Variants in NCOA1 observed in about 807,000 individuals in gnomAD.
The protein encoded by NCOA1 is Hin-2 protein.
A neutral mutation model predicts 150.9 loss-of-function variants in NCOA1; 35 were observed. The observed-to-expected ratio is 0.23, with a 90% CI of 0.18 to 0.31. The LOEUF is 0.31. NCOA1 is among the 10% of genes least tolerant of loss of function. NCOA1 has a pLI of 1.00. For missense variants in NCOA1, 1,491 were observed against 1,749.3 expected (o/e 0.85, Z 2.63); for synonymous variants, 590 against 630.0 (o/e 0.94, Z 0.95).
intron 4 of NCOA1, among the ~76,000 whole-genome samples, chr2:24,648,929 A>G (rs11125733): frequency 0.15 from 22,296 of 151,924 alleles, 1,979 homozygotes; most frequent in Non-Finnish European, 0.2. Flanking sequence ...AAATGTAGTT[A>G]TTTGATTTTG....
At chr2:24,593,236 A>G (rs183284585) in intron 3 of NCOA1, among the ~76,000 whole-genome samples, 3 of 152,240 alleles carry the variant, frequency 2.0e-5, no homozygotes, top group South Asian at 2.1e-4. Context: ...GGAAACCTAT[A>G]TTTATTAAAC....
intron 11 of NCOA1, among the ~76,000 whole-genome samples, chr2:24,701,185 G>T (rs1395427866): frequency 6.6e-6 from 1 of 151,758 alleles, no homozygotes; most frequent in African/African-American, 2.4e-5. Flanking sequence ...TCTTGTCTTT[G>T]AAATATCCAT....
At chr2:24,750,553 T>C (rs1664166761) in intron 19 of NCOA1, among the ~76,000 whole-genome samples, 1 of 152,214 alleles carries the variant, frequency 6.6e-6, no homozygotes, top group South Asian at 2.1e-4. Context: ...AAAAACATTA[T>C]GCTAAGTGAA....
intron 19 of NCOA1, among the ~76,000 whole-genome samples, chr2:24,749,818 G>C (rs987086801): frequency 2.0e-5 from 3 of 152,196 alleles, no homozygotes; most frequent in Non-Finnish European, 2.9e-5. Flanking sequence ...AATACTACCT[G>C]TAATGAGGAG....
chr2:24,536,936 AC>A (rs1287097826), intron 1 of NCOA1, among the ~76,000 whole-genome samples: 3 of 152,152 alleles, frequency 2.0e-5, no homozygotes, highest in African/African-American at 7.2e-5. Context: ...ACAGAGGCAT[AC>A]AGAGAGATAT....
At chr2:24,536,806 G>A (rs1487276451) in intron 1 of NCOA1, among the ~76,000 whole-genome samples, 1 of 152,138 alleles carries the variant, frequency 6.6e-6, no homozygotes, top group Non-Finnish European at 1.5e-5. Flanking sequence ...AGATACTGCA[G>A]AACAGCAAAT....
At chr2:24,524,701 G>A (rs1401157913) in intron 1 of NCOA1, among the ~76,000 whole-genome samples, 2 of 151,524 alleles carry the variant, frequency 1.3e-5, no homozygotes, top group African/African-American at 2.4e-5. Flanking sequence ...TCCACCTCCC[G>A]GGTTCAAGTA....
At chr2:24,497,662 A>G (rs1663283164) in intron 1 of NCOA1, among the ~76,000 whole-genome samples, 1 of 149,846 alleles carries the variant, frequency 6.7e-6, no homozygotes, top group South Asian at 2.1e-4. Flanking sequence ...ACAGAGCGAG[A>G]CTCCATCTCA....
At chr2:24,590,311 T>C (rs1037378034) in intron 3 of NCOA1, among the ~76,000 whole-genome samples, 1 of 152,216 alleles carries the variant, frequency 6.6e-6, no homozygotes, top group Non-Finnish European at 1.5e-5. Context: ...CTCTCAGTAC[T>C]CCCGTTTCTC....
intron 11 of NCOA1, 124 bp from the exon 12 acceptor site, chr2:24,704,962 T>C (rs539564010): frequency 5.5e-5 from 50 of 911,846 alleles, no homozygotes; most frequent in Admixed American, 4.9e-4. Flanking sequence ...TTATTCTGAG[T>C]CTAAGCAGGC....
intron 3 of NCOA1, among the ~76,000 whole-genome samples, chr2:24,615,239 A>G (rs542883803): frequency 6.6e-6 from 1 of 152,312 alleles, no homozygotes; most frequent in South Asian, 2.1e-4. Flanking sequence ...AGGAAGCAGA[A>G]TAACACAGTA....
intron 1 of NCOA1, among the ~76,000 whole-genome samples, chr2:24,558,545 A>G (rs1475988887): frequency 6.6e-6 from 1 of 152,206 alleles, no homozygotes; most frequent in East Asian, 1.9e-4. Flanking sequence ...AGCACAGGAA[A>G]GACTGGCCCC....
chr2:24,666,225 A>G (rs1183174645), intron 6 of NCOA1, among the ~76,000 whole-genome samples: 1 of 151,934 alleles, frequency 6.6e-6, no homozygotes, highest in Non-Finnish European at 1.5e-5. Context: ...CATGTTAGCC[A>G]GGATGGTCTC....
chr2:24,601,040 GA>G (rs910891351), intron 3 of NCOA1, among the ~76,000 whole-genome samples: 4 of 151,708 alleles, frequency 2.6e-5, no homozygotes, highest in African/African-American at 9.7e-5. Flanking sequence ...AAAATTACTA[GA>G]AAAATAGAAT....
Position 24,729,715 on chromosome 2 carries a change from C to T in NCOA1, c.3101C>T (p.Pro1034Leu). The T allele has an allele frequency of 2.5e-6, 4 of 1,614,234 alleles. No homozygotes were observed. Among genetic ancestry groups the T allele is most frequent in the Non-Finnish European group, 3.4e-6 (4 of 1,180,042 alleles). ...QVTPPRGAFSPGMGMQPRQTL... is the reference protein window; with the variant it reads ...QVTPPRGAFSLGMGMQPRQTL... ...ACACCTCCCCGAGGTGCTTTTTCAC[C>T]TGGCATGGGCATGCAGCCCAGGCAA... The change falls in exon 17 of 23, where the codon CCT becomes CTT. Residue 1034 changes from proline (P) to leucine (L), a missense_variant. Physicochemically the swap from Pro to Leu is moderately conservative, Grantham distance 98 (BLOSUM62 -3). Transcript: ENST00000348332.
intron 3 of NCOA1, among the ~76,000 whole-genome samples, chr2:24,626,867 C>T (rs1669437376): frequency 6.6e-6 from 1 of 152,084 alleles, no homozygotes; most frequent in Non-Finnish European, 1.5e-5. Context: ...TCACTCTCTA[C>T]TTCATTATTC....
At chr2:24,717,607 C>CAT (rs563520170) in intron 14 of NCOA1, among the ~76,000 whole-genome samples, 59 of 151,820 alleles carry the variant, frequency 3.9e-4, no homozygotes, top group South Asian at 1.7e-3. Flanking sequence ...GACATATACA[C>CAT]ATATATATAT....
intron 1 of NCOA1, among the ~76,000 whole-genome samples, chr2:24,533,503 G>A (rs1467720855): frequency 6.6e-6 from 1 of 152,204 alleles, no homozygotes; most frequent in South Asian, 2.1e-4. Context: ...AATGGTGAGA[G>A]AGGGCATCTC....
chr2:24,548,967 C>A (rs529871822), intron 1 of NCOA1, among the ~76,000 whole-genome samples: 2 of 152,210 alleles, frequency 1.3e-5, no homozygotes, highest in East Asian at 3.9e-4. Context: ...GGATGGTGGC[C>A]CTCTTCTCAC....
Sources: gnomAD v4.1 joint callset for allele counts (sites outside exome capture counted in the v4.1 genomes callset) on GRCh38, gnomAD v4.1.1 for gene constraint, MANE v1.5 for transcripts, NCBI Gene and HGNC (gene_info 2026-07-23, HGNC 2026-07-21) for gene names.